The following URB1 variants were observed in gnomAD, a reference collection of about 807,000 sequenced individuals.
URB1 encodes URB1 ribosome biogenesis factor.
A neutral mutation model predicts 242.3 loss-of-function variants in URB1; 197 were observed. The ratio of observed to expected loss-of-function variants is 0.81; its 90% CI spans 0.72 to 0.91. The LOEUF is 0.91. URB1 is among the 40% of genes least tolerant of loss of function. URB1 has a pLI of 0.00. For synonymous variants in URB1, 1,153 were observed against 1,201.8 expected (o/e 0.96, Z 0.84); for missense variants, 2,721 against 2,860.5 (o/e 0.95, Z 1.11).
At chr21:32,329,978 A>C (rs1000509944) in intron 30 of URB1, among the ~76,000 whole-genome samples, 3 of 152,186 alleles carry the variant, frequency 2.0e-5, no homozygotes, top group African/African-American at 7.2e-5. Flanking sequence ...GGAGCTGCTT[A>C]CTGTTCTATG....
intron 28 of URB1, chr21:32,335,536 T>G (rs182297886): frequency 9.2e-5 from 14 of 152,472 alleles, no homozygotes; most frequent in Admixed American, 9.1e-4. Context: ...AGGAACATTA[T>G]CTATAGAGCT....
At position 32,344,576 on chromosome 21, in the gene URB1, C is replaced by T. The variant is rs369834365; in HGVS notation, c.4251G>A (p.Ala1417=). The change falls in exon 24 of 39, where the codon GCG becomes GCA. Residue 1417 remains alanine (A), a synonymous_variant. Coordinates refer to ENST00000382751, the MANE Select transcript of URB1 (RefSeq NM_014825.3). ...QEKEMLLRLN[A]LLHALNEVDP... ...TCTAAGAAAAGACACTTACCAACAA[C>T]GCATTTAATCTAAGCAGCATTTCCT... The T allele has an allele frequency of 2.4e-5, 38 of 1,551,836 alleles. No individual in the cohort carries two copies. Among genetic ancestry groups the T allele is most frequent in the Admixed American group, 7.9e-5 (4 of 50,938 alleles).
rs1352774984 is a variant in URB1, at chr21:32,364,798, A to AC, written c.1336-1470_1336-1469insG. Among the ~76,000 whole-genome samples the AC allele has an allele frequency of 3.3e-5, 5 of 151,942 alleles. No homozygotes were observed. The East Asian group carries it at 9.6e-4, about 29-fold the overall frequency. ...ACAAAACCATAAGAAATAAAACAAA[A>AC]AAAAACAAACATCATCCAACTCCAG... On this transcript the variant is annotated intron_variant, in intron 10 of 38. Transcript: ENST00000382751.
chr21:32,381,478 A>G (rs1283572850), intron 4 of URB1, among the ~76,000 whole-genome samples: 3 of 152,212 alleles, frequency 2.0e-5, no homozygotes, highest in African/African-American at 7.2e-5. Context: ...TAGCATTTAA[A>G]AAAAAAAAGC....
At position 32,317,833 on chromosome 21, in the gene URB1, G is replaced by T; in HGVS notation, c.5877C>A (p.Ala1959=). 1 of 1,551,968 alleles carries T rather than the reference G, an allele frequency of 6.4e-7. No individual in the cohort carries two copies. Among genetic ancestry groups the T allele is most frequent in the Non-Finnish European group, 8.7e-7 (1 of 1,147,050 alleles). Residue 1959 remains alanine, a synonymous_variant, in exon 37 of 39, where the codon GCC becomes GCA. Coordinates refer to ENST00000382751, the MANE Select transcript of URB1 (RefSeq NM_014825.3). ...VLRYRATVIQ[A]FRDMNRFTVN... ...CGGTGAATCTGTTCATGTCCCTAAA[G>T]GCCTGTATGACAGTGGCCCGGTACC... is the stretch of plus-strand genomic sequence containing the variant.
intron 8 of URB1, among the ~76,000 whole-genome samples, chr21:32,371,590 T>G (rs1264809871): frequency 6.6e-6 from 1 of 152,096 alleles, no homozygotes; most frequent in East Asian, 1.9e-4. Flanking sequence ...ACAGAAAAAC[T>G]CCCACCATGT....
chr21:32,369,055 T>C (rs1352911463), intron 8 of URB1, among the ~76,000 whole-genome samples: 1 of 148,754 alleles, frequency 6.7e-6, no homozygotes. Context: ...AAAAAAGCAC[T>C]ATGTAGGGCT....
intron 5 of URB1, among the ~76,000 whole-genome samples, chr21:32,378,201 C>T (rs970024305): frequency 7.2e-5 from 11 of 152,180 alleles, no homozygotes; most frequent in African/African-American, 2.4e-4. Flanking sequence ...TCCTCTGTGA[C>T]GGCATTGTTC....
At chr21:32,361,199 G>GAAAGAAAC in intron 12 of URB1, 76 bp from the exon 13 acceptor site, 1 of 918,492 alleles carries the variant, frequency 1.1e-6, no homozygotes, top group Non-Finnish European at 1.6e-6. Flanking sequence ...AAGAAAGAAA[G>GAAAGAAAC]AAAGAAAATA....
chr21:32,322,062 T>A (rs1330091305), intron 33 of URB1, 118 bp from the exon 34 acceptor site: 24 of 1,166,524 alleles, frequency 2.1e-5, no homozygotes. Context: ...AGCCCTGACC[T>A]CCATGTCTGA....
rs933905164 is a variant in URB1, at chr21:32,346,931, T to C, written c.3868+25A>G. On this transcript the variant is annotated intron_variant, in intron 22 of 38. Transcript: ENST00000382751. Reference sequence around the variant, plus strand: ...AGCCCGTGCAACTTAAGACCCCAGCTGCCCAAAGCTAGCCTTTCCCTTACC... The same window carrying C: ...AGCCCGTGCAACTTAAGACCCCAGCCGCCCAAAGCTAGCCTTTCCCTTACC... 4.7e-6 allele frequency: 7 copies of C among 1,475,194 alleles called. No individual in the cohort carries two copies. The African/African-American group carries it at 5.6e-5, about 12-fold the overall frequency. The allele number at this position is 1,475,194 out of a possible 1,614,324, so 91.4% of individuals were successfully genotyped here.
intron 38 of URB1, among the ~76,000 whole-genome samples, chr21:32,315,449 G>A (rs2032668287): frequency 6.6e-6 from 1 of 152,078 alleles, no homozygotes; most frequent in Admixed American, 6.6e-5. Flanking sequence ...GAGTAGCTGG[G>A]ACTACAGGCA....
chr21:32,357,744 G>A, intron 14 of URB1, 88 bp from the exon 15 acceptor site: 15 of 1,071,054 alleles, frequency 1.4e-5, no homozygotes, highest in Non-Finnish European at 1.6e-5. Flanking sequence ...AACATACCAT[G>A]GGGCCAGGCG....
intron 30 of URB1, among the ~76,000 whole-genome samples, chr21:32,330,488 G>GT (rs2032881346): frequency 6.8e-6 from 1 of 147,606 alleles, no homozygotes. Flanking sequence ...CCAGACCAAG[G>GT]GAAAAAAAAA....
chr21:32,322,419 G>A lies in URB1; in HGVS notation c.5340+59C>T, dbSNP rs16989266. On this transcript the variant is annotated intron_variant, in intron 33 of 38. Transcript: ENST00000382751. ...CATGGGGAAATGTCAGAATGACAAC[G>A]GTGGCTGCATCATCAATTCAGGGGC... The A allele has an allele frequency of 2.6e-3, 3,664 of 1,398,444 alleles. 154 individuals are homozygous for A. In the East Asian group the frequency reaches 0.074, roughly 28 times the overall value. 86.6% of individuals were successfully genotyped at this position (1,398,444 alleles called of 1,614,324 possible).
At chr21:32,370,162 G>A (rs1374553546) in intron 8 of URB1, among the ~76,000 whole-genome samples, 3 of 151,960 alleles carry the variant, frequency 2.0e-5, no homozygotes, top group Admixed American at 6.6e-5. Context: ...AAAACATCCA[G>A]AAAATCCTCA....
chr21:32,343,595 G>A (rs1226097726), intron 24 of URB1, among the ~76,000 whole-genome samples: 3 of 152,080 alleles, frequency 2.0e-5, no homozygotes, highest in Non-Finnish European at 2.9e-5. Flanking sequence ...GGAATGTGGG[G>A]TACACAGATA....
Position 32,314,470 on chromosome 21 carries a change from C to T in URB1, c.*448G>A. 7.6e-7 allele frequency: 1 copy of T among 1,320,558 alleles called. No individual in the cohort carries two copies. Among genetic ancestry groups the T allele is most frequent in the Non-Finnish European group, 1.1e-6 (1 of 917,104 alleles). The allele number at this position is 1,320,558 out of a possible 1,614,324, so 81.8% of individuals were successfully genotyped here. Reference sequence around the variant, plus strand: ...AAAGTGCTGGGATTATAGGCGTGAGCCACCTCACCTGCTGAAAAATAAACT... The same window carrying T: ...AAAGTGCTGGGATTATAGGCGTGAGTCACCTCACCTGCTGAAAAATAAACT... On this transcript the variant is annotated 3_prime_UTR_variant, in exon 39 of 39. Transcript: ENST00000382751.
At chr21:32,362,939 G>C (rs1209661339) in intron 11 of URB1, among the ~76,000 whole-genome samples, 1 of 152,168 alleles carries the variant, frequency 6.6e-6, no homozygotes, top group African/African-American at 2.4e-5. Context: ...TCTGCACAAG[G>C]ACTTTGGGAT....
Sources: allele counts gnomAD v4.1 joint callset (sites outside exome capture counted in the v4.1 genomes callset), GRCh38; gene constraint gnomAD v4.1.1; transcripts MANE v1.5; gene names NCBI Gene and HGNC (gene_info 2026-07-23, HGNC 2026-07-21).